Variants in CEP112 observed in about 807,000 individuals in gnomAD.
CEP112 encodes centrosomal protein 112.
Under a neutral mutation model 153.0 loss-of-function variants are expected in CEP112, and 127 were observed. The ratio of observed to expected loss-of-function variants is 0.83; its 90% CI spans 0.72 to 0.96. CEP112 has a LOEUF of 0.96. Ranked by LOEUF, CEP112 falls within the 40% of genes least tolerant of loss-of-function variation. The pLI, the probability that CEP112 is intolerant of heterozygous loss-of-function variation, is 0.00. For synonymous variants in CEP112, 358 were observed against 374.4 expected (o/e 0.96, Z 0.51); for missense variants, 1,089 against 1,101.2 (o/e 0.99, Z 0.16).
intron 4 of CEP112, among the ~76,000 whole-genome samples, chr17:66,164,988 A>G (rs1171942744): frequency 2.0e-5 from 3 of 150,606 alleles, no homozygotes; most frequent in Non-Finnish European, 4.4e-5. Context: ...ATTGACCAAG[A>G]GCAACTAGAT....
chr17:65,929,075 G>C (rs2061031830), intron 18 of CEP112, among the ~76,000 whole-genome samples: 1 of 152,156 alleles, frequency 6.6e-6, no homozygotes, highest in South Asian at 2.1e-4. Flanking sequence ...CTGTTAAAGG[G>C]TATGGTGTTT....
At chr17:66,065,754 T>G (rs2067093777) in intron 10 of CEP112, among the ~76,000 whole-genome samples, 1 of 151,638 alleles carries the variant, frequency 6.6e-6, no homozygotes, top group South Asian at 2.1e-4. Context: ...CTCAGCCTCC[T>G]GAGTAGCTGT....
chr17:65,861,954 C>G (rs796566762), intron 20 of CEP112, among the ~76,000 whole-genome samples: 4 of 152,116 alleles, frequency 2.6e-5, no homozygotes, highest in Admixed American at 2.0e-4. Flanking sequence ...TCAACTTGTC[C>G]GTCATAGTTG....
intron 18 of CEP112, among the ~76,000 whole-genome samples, chr17:65,945,955 C>T (rs1301415346): frequency 6.6e-6 from 1 of 152,148 alleles, no homozygotes; most frequent in Non-Finnish European, 1.5e-5. Flanking sequence ...CCCTAAGCCC[C>T]TTTTTATATG....
chr17:65,640,156 T>TATATATATATATATA (rs1567796006), intron 25 of CEP112, among the ~76,000 whole-genome samples: 2 of 32,332 alleles, frequency 6.2e-5, no homozygotes, highest in African/African-American at 4.6e-4. Flanking sequence ...ATATATATAT[T>TATATATATATATATA]TTTTTTTTTT....
intron 24 of CEP112, among the ~76,000 whole-genome samples, chr17:65,649,114 A>C: frequency 7.4e-6 from 1 of 135,242 alleles, no homozygotes; most frequent in Non-Finnish European, 1.6e-5. Flanking sequence ...ACACACACAC[A>C]CACACTGTAT....
At chr17:66,125,725 TGAA>T (rs1282577389) in intron 6 of CEP112, among the ~76,000 whole-genome samples, 1 of 125,248 alleles carries the variant, frequency 8.0e-6, no homozygotes, top group Non-Finnish European at 1.7e-5. Context: ...TAAAGACCCA[TGAA>T]GAAGAGGAAA....
At chr17:65,983,143 G>A (rs570510754) in intron 17 of CEP112, among the ~76,000 whole-genome samples, 1 of 152,256 alleles carries the variant, frequency 6.6e-6, no homozygotes, top group African/African-American at 2.4e-5. Flanking sequence ...CTAAATAGAG[G>A]TAGTCATTGC....
chr17:65,902,970 G>C (rs1242580672), intron 19 of CEP112: 3 of 152,178 alleles, frequency 2.0e-5, no homozygotes, highest in South Asian at 2.1e-4. Context: ...CTCCACACTG[G>C]AGACTGTGAC....
intron 20 of CEP112, among the ~76,000 whole-genome samples, chr17:65,870,240 C>T (rs995045012): frequency 9.9e-5 from 15 of 151,766 alleles, no homozygotes; most frequent in African/African-American, 3.1e-4. Flanking sequence ...GTAATGATAC[C>T]GGTAAAGATT....
intron 11 of CEP112, among the ~76,000 whole-genome samples, chr17:66,059,155 G>A (rs1264946177): frequency 6.6e-6 from 1 of 151,968 alleles, no homozygotes; most frequent in Non-Finnish European, 1.5e-5. Flanking sequence ...ATTAACTCAG[G>A]ATAGATTAAA....
At chr17:65,777,928 A>G (rs2053778058) in intron 21 of CEP112, among the ~76,000 whole-genome samples, 1 of 152,160 alleles carries the variant, frequency 6.6e-6, no homozygotes, top group Non-Finnish European at 1.5e-5. Context: ...TCTTCAGTTC[A>G]TTGGTCCATC....
At chr17:65,726,631 A>G (rs1168684993) in intron 23 of CEP112, among the ~76,000 whole-genome samples, 2 of 152,214 alleles carry the variant, frequency 1.3e-5, no homozygotes, top group African/African-American at 4.8e-5. Context: ...AAAGCTAAGC[A>G]GAAGAGTTTG....
intron 25 of CEP112, among the ~76,000 whole-genome samples, 156 bp from the exon 26 acceptor site, chr17:65,637,344 A>G (rs1598151492): frequency 6.6e-6 from 1 of 152,244 alleles, no homozygotes; most frequent in African/African-American, 2.4e-5. Flanking sequence ...ACATTTGGTC[A>G]CATCCCATCC....
chr17:66,079,004 G>A (rs12325979), intron 8 of CEP112, among the ~76,000 whole-genome samples: 144,018 of 152,254 alleles, frequency 0.95, 68,206 homozygotes, highest in East Asian at 0.98. Context: ...AGGGGCCAAC[G>A]AACATATGAA....
intron 8 of CEP112, among the ~76,000 whole-genome samples, chr17:66,084,495 T>C (rs936811642): frequency 2.0e-5 from 3 of 152,182 alleles, no homozygotes; most frequent in Non-Finnish European, 2.9e-5. Flanking sequence ...AAGAATGAGA[T>C]CCTGTCATTT....
intron 21 of CEP112, among the ~76,000 whole-genome samples, chr17:65,817,944 A>AT (rs2056355286): frequency 6.6e-6 from 1 of 151,902 alleles, no homozygotes; most frequent in South Asian, 2.1e-4. Flanking sequence ...TTTATGTGAA[A>AT]TAAACTAATT....
At chr17:65,843,505 T>G (rs1012725071) in intron 21 of CEP112, among the ~76,000 whole-genome samples, 3 of 152,176 alleles carry the variant, frequency 2.0e-5, no homozygotes, top group Admixed American at 2.0e-4. Context: ...GAAATCCATC[T>G]TAAGCCAAAA....
At chr17:65,661,830 T>C (rs1312252063) in intron 24 of CEP112, 1 of 152,172 alleles carries the variant, frequency 6.6e-6, no homozygotes, top group Non-Finnish European at 1.5e-5. Flanking sequence ...CTAGGTGAGA[T>C]GGAGAAACGG....
Sources: gnomAD v4.1 joint callset for allele counts (sites outside exome capture counted in the v4.1 genomes callset) on GRCh38, gnomAD v4.1.1 for gene constraint, MANE v1.5 for transcripts, NCBI Gene and HGNC (gene_info 2026-07-23, HGNC 2026-07-21) for gene names.